The following VWDE variants were observed in gnomAD, a reference collection of about 807,000 sequenced individuals.
VWDE encodes the protein von Willebrand factor D and EGF domain-containing protein.
A neutral mutation model predicts 178.4 loss-of-function variants in VWDE; 207 were observed. The ratio of observed to expected loss-of-function variants is 1.16; its 90% confidence interval spans 1.04 to 1.30. The LOEUF is 1.30. VWDE is among the 50% of genes most tolerant of loss of function. The probability of loss-of-function intolerance (pLI) is 0.00; values close to 1 mark genes in which losing one functional copy is unlikely to be tolerated. For synonymous variants in VWDE, 738 were observed against 651.4 expected (o/e 1.13, Z -2.02); for missense variants, 2,287 against 1,901.3 (o/e 1.20, Z -3.77).
intron 16 of VWDE, among the ~76,000 whole-genome samples, chr7:12,358,372 T>C (rs1473080369): frequency 3.0e-5 from 1 of 33,238 alleles, no homozygotes; most frequent in African/African-American, 2.2e-4. Context: ...AGATTCTGTC[T>C]CAAAAAATAA....
At chr7:12,336,879 T>C (rs2128544816) in intron 26 of VWDE, 109 bp downstream of exon 26, 3 of 1,086,600 alleles carry the variant, frequency 2.8e-6, no homozygotes, top group Non-Finnish European at 2.6e-6. Flanking sequence ...TATGCAAAAA[T>C]TTTAAAAAGA....
chr7:12,351,684 T>C lies in VWDE; in HGVS notation c.3775A>G (p.Thr1259Ala), dbSNP rs1781954910. Residue 1259 changes from threonine (T) to alanine (A), a missense_variant, in exon 19 of 29, where the codon ACA becomes GCA. By Grantham distance (58) the Thr-to-Ala change is moderately conservative (BLOSUM62 0). Transcript: ENST00000275358. ...VETQFVNQFT[T>A]QTVVLTRSDK... is the part of the protein sequence containing the mutation. ...GATCTTGTGAGAACCACAGTTTGTG[T>C]AGTAAATTGATTTACAAACTGTGTT... 3 of 1,547,832 alleles carry C rather than the reference T, an allele frequency of 1.9e-6. No individual in the cohort carries two copies. Among genetic ancestry groups the C allele is most frequent in the Non-Finnish European group, 2.6e-6 (3 of 1,145,610 alleles).
chr7:12,378,367 G>A (rs1583329358), intron 6 of VWDE, among the ~76,000 whole-genome samples: 1 of 152,244 alleles, frequency 6.6e-6, no homozygotes, highest in African/African-American at 2.4e-5. Context: ...TCAAATTATT[G>A]TTGTCACCTG....
In VWDE at chr7:12,343,159, A is replaced by C. The variant is rs1365041931; in HGVS notation, c.4098T>G (p.Cys1366Trp). Reference protein sequence around the residue: ...TCDEEHCNPPCQHGGTCLAGN... With the variant: ...TCDEEHCNPPWQHGGTCLAGN... ...CAGCCAAGCATGTGCCACCATGTTGACAAGGTGGGTTACAATGTTCTGCAG... is the reference window on the plus strand; with the variant it reads ...CAGCCAAGCATGTGCCACCATGTTGCCAAGGTGGGTTACAATGTTCTGCAG... The change falls in exon 22 of 29, where the codon TGT (cysteine) becomes TGG (tryptophan). Residue 1366 changes from cysteine (C) to tryptophan (W), a missense_variant. Transcript: ENST00000275358. 6.5e-7 allele frequency: 1 copy of C among 1,549,392 alleles called. No homozygotes were observed. The highest frequency in any genetic ancestry group is 8.7e-7 in the Non-Finnish European group (1 of 1,145,480).
chr7:12,362,080 A>G (rs1782612653), intron 13 of VWDE, among the ~76,000 whole-genome samples: 1 of 152,038 alleles, frequency 6.6e-6, no homozygotes, highest in African/African-American at 2.4e-5. Context: ...ATGTCATGTC[A>G]GTTGGCCTCT....
intron 15 of VWDE, among the ~76,000 whole-genome samples, 175 bp from the exon 16 acceptor site, chr7:12,359,867 GTC>G (rs1782478309): frequency 6.6e-6 from 1 of 152,016 alleles, no homozygotes; most frequent in African/African-American, 2.4e-5. Flanking sequence ...ATACGTAAAT[GTC>G]TACAAAACTG....
chr7:12,376,361 G>C (rs915564775), intron 7 of VWDE, among the ~76,000 whole-genome samples: 1 of 152,058 alleles, frequency 6.6e-6, no homozygotes, highest in African/African-American at 2.4e-5. Flanking sequence ...AGGACAAGAT[G>C]AGGGGTATCC....
chr7:12,398,848 C>T (rs533434898), intron 1 of VWDE, among the ~76,000 whole-genome samples: 288 of 152,102 alleles, frequency 1.9e-3, no homozygotes, highest in African/African-American at 6.7e-3. Context: ...ACATTGGGTA[C>T]CCACAGACAT....
chr7:12,385,810 A>T (rs1227662312), intron 3 of VWDE, among the ~76,000 whole-genome samples: 1 of 149,834 alleles, frequency 6.7e-6, no homozygotes, highest in African/African-American at 2.5e-5. Flanking sequence ...GAGTAAAAAA[A>T]TAACAATTGT....
chr7:12,377,371 C>T (rs1783586287), intron 7 of VWDE, among the ~76,000 whole-genome samples: 1 of 151,990 alleles, frequency 6.6e-6, no homozygotes, highest in Admixed American at 6.6e-5. Flanking sequence ...GAACTTTTAA[C>T]GTAACTTATC....
intron 15 of VWDE, 126 bp from the exon 16 acceptor site, chr7:12,359,818 T>C: frequency 1.8e-6 from 1 of 567,098 alleles, no homozygotes; most frequent in Non-Finnish European, 3.1e-6. Context: ...TTTTGATACT[T>C]CATAATCGTA....
intron 19 of VWDE, among the ~76,000 whole-genome samples, chr7:12,350,574 A>G (rs1781873634): frequency 6.6e-6 from 1 of 152,102 alleles, no homozygotes; most frequent in Admixed American, 6.6e-5. Flanking sequence ...TACCATTAAC[A>G]AAGCTCTCCC....
Position 12,331,032 on chromosome 7 carries a change from C to A in VWDE, c.*151G>T. ...TCTTTGCTTTTCTCTATGATTACAA[C>A]AGAGATCATTATGTATTTTATTAGT... is the stretch of plus-strand genomic sequence containing the variant. On this transcript the variant is annotated 3_prime_UTR_variant, in exon 29 of 29. Transcript: ENST00000275358. The A allele has an allele frequency of 1.7e-6, 1 of 592,436 alleles. No homozygotes were observed. The highest frequency in any genetic ancestry group is 2.9e-6 in the Non-Finnish European group (1 of 349,754). The allele number at this position is 592,436 out of a possible 1,614,324, so 36.7% of individuals were successfully genotyped here. A position where few individuals can be genotyped will look rare whatever the true frequency, so the allele number is the denominator to read the frequency against.
intron 23 of VWDE, among the ~76,000 whole-genome samples, chr7:12,341,020 C>T (rs575381623): frequency 1.3e-5 from 2 of 152,288 alleles, no homozygotes; most frequent in African/African-American, 4.8e-5. Flanking sequence ...ACTACAAATA[C>T]TATTTTCTTC....
At chr7:12,333,434 A>G (rs1163691893) in intron 28 of VWDE, 31 bp downstream of exon 28, 2 of 1,333,008 alleles carry the variant, frequency 1.5e-6, no homozygotes, top group South Asian at 1.3e-5. Flanking sequence ...TCAATGTCTA[A>G]TATTTATTTT....
chr7:12,396,907 C>T (rs1277769765), intron 1 of VWDE, among the ~76,000 whole-genome samples: 4 of 152,104 alleles, frequency 2.6e-5, no homozygotes, highest in Non-Finnish European at 4.4e-5. Flanking sequence ...TACACTCCAG[C>T]CTGGGCAACA....
At chr7:12,373,373 T>C (rs1229968723) in intron 9 of VWDE, 126 bp from the exon 10 acceptor site, 2 of 932,030 alleles carry the variant, frequency 2.1e-6, no homozygotes, top group Non-Finnish European at 3.2e-6. Flanking sequence ...AACAAAGTAG[T>C]CATAAACACC....
intron 13 of VWDE, among the ~76,000 whole-genome samples, chr7:12,366,195 C>T (rs1042609924): frequency 5.3e-5 from 8 of 152,030 alleles, no homozygotes; most frequent in African/African-American, 1.2e-4. Flanking sequence ...ATTACCTAGT[C>T]TCAGGTAGTA....
chr7:12,374,123 G>T (rs956858377), intron 9 of VWDE, among the ~76,000 whole-genome samples: 1 of 152,000 alleles, frequency 6.6e-6, no homozygotes, highest in Non-Finnish European at 1.5e-5. Context: ...CTCCCAGAAC[G>T]ATATAACTGA....
Sources: gnomAD v4.1 joint callset for allele counts (sites outside exome capture counted in the v4.1 genomes callset) on GRCh38, gnomAD v4.1.1 for gene constraint, MANE v1.5 for transcripts, NCBI Gene and HGNC (gene_info 2026-07-23, HGNC 2026-07-21) for gene names.